Variants in KLF11 observed in about 807,000 individuals in gnomAD.
The protein encoded by KLF11 is Krueppel-like factor 11.
In KLF11, 26 loss-of-function variants were observed where a neutral mutation model predicts 29.9. The observed-to-expected ratio is 0.87, with a 90% CI of 0.64 to 1.21. The LOEUF is 1.21. Among genes scored for constraint, KLF11 ranks in the 50% most tolerant of loss-of-function variants. KLF11 has a pLI of 0.00. For missense variants in KLF11, 778 were observed against 665.7 expected (o/e 1.17, Z -1.86); for synonymous variants, 318 against 257.4 (o/e 1.24, Z -2.25).
At position 10,048,463 on chromosome 2, in the gene KLF11, A is replaced by T. The variant is rs769368043; in HGVS notation, c.1126A>T (p.Ile376Phe). The change falls in exon 3 of 4, where the codon ATC becomes TTC. Residue 376 changes from isoleucine to phenylalanine, a missense_variant. Coordinates refer to ENST00000305883, the MANE Select transcript of KLF11 (RefSeq NM_003597.5). ...LLPLAPAPVF[I>F]TSSQNCVPQV... ...GCCCCTTGCCCCTGCTCCAGTGTTC[A>T]TCACCTCTAGCCAAAACTGTGTCCC... 21 of 1,614,072 alleles carry T rather than the reference A, an allele frequency of 1.3e-5. No individual in the cohort carries two copies. Among genetic ancestry groups the T allele is most frequent in the Non-Finnish European group, 1.8e-5 (21 of 1,180,014 alleles).
At chr2:10,043,806 C>T (rs1221103677) in intron 1 of KLF11, 48 bp downstream of exon 1, 6 of 1,332,466 alleles carry the variant, frequency 4.5e-6, no homozygotes, top group Non-Finnish European at 5.9e-6. Context: ...GAGCGAGGGG[C>T]GAGGCGGGGG....
chr2:10,045,887 T>C (rs543062014), intron 1 of KLF11, among the ~76,000 whole-genome samples: 1 of 152,374 alleles, frequency 6.6e-6, no homozygotes, highest in South Asian at 2.1e-4. Flanking sequence ...AAATATGAAC[T>C]TAGTAGCCCT....
At chr2:10,045,549 C>G (rs1661167998) in intron 1 of KLF11, among the ~76,000 whole-genome samples, 1 of 152,178 alleles carries the variant, frequency 6.6e-6, no homozygotes. Flanking sequence ...AGGTTGGCTT[C>G]TTGTCACCAC....
Position 10,044,472 on chromosome 2 carries a change from G to A in KLF11, c.42+714G>A, listed in dbSNP as rs890929342. On this transcript the variant is annotated intron_variant, in intron 1 of 3. Coordinates refer to ENST00000305883, the MANE Select transcript of KLF11 (RefSeq NM_003597.5). ...GTGTGGTGAGTCGGCCTCGGCGCCC[G>A]GTTCTGTGACATCACAGGGGGTTTA... The A allele has an allele frequency of 5.1e-6, 5 of 983,308 alleles. No individual in the cohort carries two copies. The African/African-American group carries it at 7.0e-5, about 14-fold the overall frequency. The allele number at this position is 983,308 out of a possible 1,614,324, so 60.9% of individuals were successfully genotyped here. A position where few individuals can be genotyped will look rare whatever the true frequency, so the allele number is the denominator to read the frequency against.
rs1023248708 is a variant in KLF11 at position 10,043,577 on chromosome 2, C to T, written c.-140C>T. ...CGCGAGGGCCGCGCCGGGGCAGAGCCGCGCGGGCGGGCGAGGCGCGTGCCG... is the reference window on the plus strand; with the variant it reads ...CGCGAGGGCCGCGCCGGGGCAGAGCTGCGCGGGCGGGCGAGGCGCGTGCCG... On this transcript the variant is annotated 5_prime_UTR_variant, in exon 1 of 4. Coordinates refer to ENST00000305883, the MANE Select transcript of KLF11 (RefSeq NM_003597.5). 3 of 435,848 alleles carry T rather than the reference C, an allele frequency of 6.9e-6. No homozygotes were observed. The highest frequency in any genetic ancestry group is 9.3e-5 in the South Asian group (1 of 10,736). The allele number at this position is 435,848 out of a possible 1,614,324, so 27.0% of individuals were successfully genotyped here. A position where few individuals can be genotyped will look rare whatever the true frequency, so the allele number is the denominator to read the frequency against.
Position 10,048,549 on chromosome 2 carries a change from C to T in KLF11, c.1212C>T (p.Thr404=). The change falls in exon 3 of 4, where the codon ACC becomes ACT. Residue 404 remains threonine, a synonymous_variant. Coordinates refer to ENST00000305883, the MANE Select transcript of KLF11 (RefSeq NM_003597.5). ...GCAGCTTCCCAGGTTGCCGGAAGAC[C>T]TACTTCAAAAGTTCCCACCTTAAGG... ...YVCSFPGCRK[T]YFKSSHLKAH... is the part of the protein sequence containing the mutation. 4 of 1,609,444 alleles carry T rather than the reference C, an allele frequency of 2.5e-6. No individual in the cohort carries two copies. The highest frequency in any genetic ancestry group is 3.4e-6 in the Non-Finnish European group (4 of 1,180,006).
At position 10,048,462 on chromosome 2, in the gene KLF11, C is replaced by T. The variant is rs776316165; in HGVS notation, c.1125C>T (p.Phe375=). 1.9e-6 allele frequency: 3 copies of T among 1,614,134 alleles called. No homozygotes were observed. The highest frequency in any genetic ancestry group is 2.2e-5 in the East Asian group (1 of 44,892). The part of the protein sequence containing the change: ...KLLPLAPAPV[F]ITSSQNCVPQ... ...TGCCCCTTGCCCCTGCTCCAGTGTT[C>T]ATCACCTCTAGCCAAAACTGTGTCC... is the stretch of plus-strand genomic sequence containing the variant. Residue 375 remains phenylalanine (F), a synonymous_variant, in exon 3 of 4, where the codon TTC becomes TTT. Coordinates refer to ENST00000305883, the MANE Select transcript of KLF11 (RefSeq NM_003597.5).
chr2:10,047,449 T>C (rs779342958), intron 2 of KLF11, among the ~76,000 whole-genome samples: 6 of 152,124 alleles, frequency 3.9e-5, no homozygotes, highest in Non-Finnish European at 8.8e-5. Flanking sequence ...GGCTCTTGTG[T>C]AGGTTTGGGA....
intron 1 of KLF11, among the ~76,000 whole-genome samples, 170 bp from the exon 2 acceptor site, chr2:10,045,980 T>C (rs761869566): frequency 7.9e-5 from 12 of 152,280 alleles, no homozygotes; most frequent in Non-Finnish European, 7.3e-5. Context: ...CGAATTGTCA[T>C]GAGCATTCCT....
intron 1 of KLF11, among the ~76,000 whole-genome samples, chr2:10,044,649 C>CT (rs56067200): frequency 0.65 from 91,407 of 139,930 alleles, 30,522 homozygotes; most frequent in East Asian, 0.83. Context: ...GTTTCCTTTC[C>CT]TTTTTTTTTT....
chr2:10,047,853 G>A lies in KLF11; in HGVS notation c.516G>A (p.Gly172=), dbSNP rs954893737. The change falls in exon 3 of 4, where the codon GGG becomes GGA. Residue 172 remains glycine (G), a synonymous_variant. Coordinates refer to ENST00000305883, the MANE Select transcript of KLF11 (RefSeq NM_003597.5). ...CCAGCTCTCCCTGCAGGGCCAAGGGGACTAGCGTGATCCGACACACTGGGG... is the reference window on the plus strand; with the variant it reads ...CCAGCTCTCCCTGCAGGGCCAAGGGAACTAGCGTGATCCGACACACTGGGG... The part of the protein sequence containing the change: ...PVPSSPCRAK[G]TSVIRHTGES... 2.5e-6 allele frequency: 4 copies of A among 1,613,722 alleles called. No individual in the cohort carries two copies. Among genetic ancestry groups the A allele is most frequent in the South Asian group, 1.1e-5 (1 of 91,086 alleles).
chr2:10,053,032 G>A lies in KLF11; in HGVS notation c.*525G>A, dbSNP rs939162321. 1.8e-5 allele frequency: 7 copies of A among 388,908 alleles called. No homozygotes were observed. The highest frequency in any genetic ancestry group is 1.2e-4 in the African/African-American group (6 of 48,400). 24.1% of individuals were successfully genotyped at this position (388,908 alleles called of 1,614,324 possible). A position where few individuals can be genotyped will look rare whatever the true frequency, so the allele number is the denominator to read the frequency against. On this transcript the variant is annotated 3_prime_UTR_variant, in exon 4 of 4. Coordinates refer to ENST00000305883, the MANE Select transcript of KLF11 (RefSeq NM_003597.5). ...TGTTATTCCACTACAAAAACCACAA[G>A]TTATCTGGCCTTTTAGATCTTTTTG...
At chr2:10,044,083 G>A (rs1269728014) in intron 1 of KLF11, 3 of 712,552 alleles carry the variant, frequency 4.2e-6, no homozygotes, top group South Asian at 6.1e-5. Context: ...CGGCCGTTGG[G>A]CGGGGGAGCG....
intron 3 of KLF11, among the ~76,000 whole-genome samples, chr2:10,049,074 G>A (rs13428214): frequency 2.0e-5 from 3 of 152,122 alleles, no homozygotes; most frequent in Admixed American, 6.5e-5. Context: ...TTACCTCTGA[G>A]AGTAGTTTTT....
chr2:10,043,663 T>G lies in KLF11; in HGVS notation c.-54T>G, dbSNP rs1287324376. 4 of 1,226,378 alleles carry G rather than the reference T, an allele frequency of 3.3e-6. No individual in the cohort carries two copies. The African/African-American group carries it at 6.5e-5, about 20-fold the overall frequency. 76.0% of individuals were successfully genotyped at this position (1,226,378 alleles called of 1,614,324 possible). A position where few individuals can be genotyped will look rare whatever the true frequency, so the allele number is the denominator to read the frequency against. On this transcript the variant is annotated 5_prime_UTR_variant, in exon 1 of 4. Coordinates refer to ENST00000305883, the MANE Select transcript of KLF11 (RefSeq NM_003597.5). ...CCCGCAGCCCACGTGCGGCCGCTGC[T>G]GCGCCCGAGCTCACGCCCCGCGGCC...
At chr2:10,046,125 A>T (rs1232698585) in intron 1 of KLF11, 25 bp from the exon 2 acceptor site, 1 of 1,612,690 alleles carries the variant, frequency 6.2e-7, no homozygotes, top group African/African-American at 1.3e-5. Flanking sequence ...TGCACTGAGA[A>T]GCCGTTGTGT....
intron 3 of KLF11, among the ~76,000 whole-genome samples, chr2:10,049,699 C>T (rs1661345038): frequency 6.6e-6 from 1 of 152,174 alleles, no homozygotes; most frequent in African/African-American, 2.4e-5. Context: ...CTTTATCTTC[C>T]TTCTTTGACC....
In KLF11 at chr2:10,053,434, C is replaced by T. The variant is rs137999167; in HGVS notation, c.*927C>T. On this transcript the variant is annotated 3_prime_UTR_variant, in exon 4 of 4. Coordinates refer to ENST00000305883, the MANE Select transcript of KLF11 (RefSeq NM_003597.5). ...TGACTCCTTTTGCTGTGGCCTTATC[C>T]GTACTATATTGTGGGTAGAGTAACT... is the stretch of plus-strand genomic sequence containing the variant. The T allele has an allele frequency of 3.0e-5, 12 of 398,574 alleles. 1 individual carries two copies. Among genetic ancestry groups the T allele is most frequent in the South Asian group, 1.3e-4 (1 of 7,848 alleles). 24.7% of individuals were successfully genotyped at this position (398,574 alleles called of 1,614,324 possible).
chr2:10,043,778 C>A lies in KLF11; in HGVS notation c.42+20C>A, dbSNP rs1429819144. 1 of 1,369,054 alleles carries A rather than the reference C, an allele frequency of 7.3e-7. No homozygotes were observed. The highest frequency in any genetic ancestry group is 2.4e-5 in the Admixed American group (1 of 42,500). The allele number at this position is 1,369,054 out of a possible 1,614,324, so 84.8% of individuals were successfully genotyped here. ...CGCGCAGTGAGTGGTGGGGCTGCCGCGGCGGGACTACTCGTCTGAGCGAGG... is the reference window on the plus strand; with the variant it reads ...CGCGCAGTGAGTGGTGGGGCTGCCGAGGCGGGACTACTCGTCTGAGCGAGG... On this transcript the variant is annotated intron_variant, in intron 1 of 3. Transcript: ENST00000305883.
Sources: allele counts gnomAD v4.1 joint callset (sites outside exome capture counted in the v4.1 genomes callset), GRCh38; gene constraint gnomAD v4.1.1; transcripts MANE v1.5; gene names NCBI Gene and HGNC (gene_info 2026-07-23, HGNC 2026-07-21).